NUDT3: variants seen among roughly 807,000 people sequenced by gnomAD.
NUDT3 encodes nudix hydrolase 3, also known as diphosphoinositol polyphosphate phosphohydrolase 1.
NUDT3 carries 9 observed loss-of-function variants against 23.6 expected under a neutral mutation model. That is an observed-to-expected ratio of 0.38 (90% confidence interval 0.23 to 0.66). The LOEUF is 0.66. Among genes scored for constraint, NUDT3 ranks in the 30% least tolerant of loss-of-function variants. The pLI is 0.52. For missense variants in NUDT3, 172 were observed against 218.5 expected (o/e 0.79, Z 1.34); for synonymous variants, 86 against 82.6 (o/e 1.04, Z -0.22).
In NUDT3 at chr6:34,358,528, A is replaced by T. The variant is rs186066251; in HGVS notation, c.100-16556T>A. 7.4e-4 allele frequency among the ~76,000 whole-genome samples: 112 copies of T among 152,194 alleles called. No homozygotes were observed. In the East Asian group the frequency reaches 0.011, roughly 14 times the overall value. On this transcript the variant is annotated intron_variant, in intron 1 of 4. Coordinates refer to ENST00000607016, the MANE Select transcript of NUDT3 (RefSeq NM_006703.4). ...TATTATTTCAAAGGAGTCACAGAAA[A>T]TTTTCACAGGTTAGTATTAAAATAC...
At chr6:34,348,209 C>T (rs1432130474) in intron 1 of NUDT3, among the ~76,000 whole-genome samples, 1 of 151,450 alleles carries the variant, frequency 6.6e-6, no homozygotes, top group Non-Finnish European at 1.5e-5. Context: ...TCGCTAAAGC[C>T]CAGGAGGAGG....
intron 2 of NUDT3, among the ~76,000 whole-genome samples, chr6:34,307,219 G>C (rs1053841628): frequency 6.6e-6 from 1 of 152,042 alleles, no homozygotes; most frequent in Non-Finnish European, 1.5e-5. Context: ...ACCAGCGTGG[G>C]CAACATATCA....
chr6:34,390,198 C>A (rs1765174736), intron 1 of NUDT3, among the ~76,000 whole-genome samples: 1 of 150,886 alleles, frequency 6.6e-6, no homozygotes, highest in South Asian at 2.1e-4. Flanking sequence ...AAAATGCAAG[C>A]TCCTAGAATC....
At chr6:34,308,460 CAA>C (rs1183799403) in intron 2 of NUDT3, among the ~76,000 whole-genome samples, 38 of 81,932 alleles carry the variant, frequency 4.6e-4, no homozygotes, top group Middle Eastern at 8.1e-3. Context: ...GATCGTCTCT[CAA>C]AAAAAAAAAA....
intron 1 of NUDT3, among the ~76,000 whole-genome samples, chr6:34,348,573 C>T (rs1406437343): frequency 6.6e-6 from 1 of 151,850 alleles, no homozygotes; most frequent in Non-Finnish European, 1.5e-5. Flanking sequence ...GTCAGGAGAT[C>T]GAGACCATCC....
At chr6:34,346,806 A>T (rs973049023) in intron 1 of NUDT3, among the ~76,000 whole-genome samples, 13 of 152,240 alleles carry the variant, frequency 8.5e-5, no homozygotes, top group Admixed American at 3.3e-4. Flanking sequence ...CCCAGGCTGA[A>T]GCGCCGTGGC....
chr6:34,321,125 C>T (rs183426937), intron 2 of NUDT3, among the ~76,000 whole-genome samples: 1 of 152,100 alleles, frequency 6.6e-6, no homozygotes, highest in Admixed American at 6.6e-5. Flanking sequence ...ATAGCACAGA[C>T]ATCCTTAAGG....
At chr6:34,367,179 T>C (rs569006232) in intron 1 of NUDT3, among the ~76,000 whole-genome samples, 34 of 152,112 alleles carry the variant, frequency 2.2e-4, no homozygotes, top group African/African-American at 7.7e-4. Flanking sequence ...CCACAATGCC[T>C]GACCTAAAAA....
intron 2 of NUDT3, among the ~76,000 whole-genome samples, chr6:34,302,339 G>A (rs1336001608): frequency 1.3e-5 from 2 of 152,076 alleles, no homozygotes; most frequent in Non-Finnish European, 2.9e-5. Context: ...TCTGGCACTT[G>A]TCTTTTACCC....
At chr6:34,382,065 T>G (rs374301636) in intron 1 of NUDT3, among the ~76,000 whole-genome samples, 4 of 93,302 alleles carry the variant, frequency 4.3e-5, no homozygotes, top group African/African-American at 1.8e-4. Flanking sequence ...AGAGCGAGAC[T>G]CTATCTCAAA....
At chr6:34,295,241 G>C (rs977287202) in intron 3 of NUDT3, among the ~76,000 whole-genome samples, 2 of 151,966 alleles carry the variant, frequency 1.3e-5, no homozygotes, top group Non-Finnish European at 2.9e-5. Flanking sequence ...AACTCACCGA[G>C]GTTGGGCATG....
chr6:34,384,632 G>GA (rs1765075336), intron 1 of NUDT3, among the ~76,000 whole-genome samples: 1 of 152,118 alleles, frequency 6.6e-6, no homozygotes, highest in East Asian at 1.9e-4. Context: ...TATGACAGAT[G>GA]AATATCATAT....
intron 1 of NUDT3, among the ~76,000 whole-genome samples, chr6:34,361,398 G>A (rs909103814): frequency 2.6e-5 from 4 of 152,214 alleles, no homozygotes; most frequent in Non-Finnish European, 5.9e-5. Flanking sequence ...GGGATGTGGA[G>A]CAACAGAAAC....
Position 34,352,952 on chromosome 6 carries a change from G to T in NUDT3, c.100-10980C>A, listed in dbSNP as rs1764499880. On this transcript the variant is annotated intron_variant, in intron 1 of 4. Coordinates refer to ENST00000607016, the MANE Select transcript of NUDT3 (RefSeq NM_006703.4). ...GTTCTAAACTGATAGAGGTATATGT[G>T]TCTAGAATTCGTCTTCCTAATTCTA... Among the ~76,000 whole-genome samples, 8 of 152,086 alleles carry T rather than the reference G, an allele frequency of 5.3e-5. No individual in the cohort carries two copies. The South Asian group carries it at 1.7e-3, about 32-fold the overall frequency.
At chr6:34,355,206 T>C (rs1318328645) in intron 1 of NUDT3, among the ~76,000 whole-genome samples, 1 of 152,208 alleles carries the variant, frequency 6.6e-6, no homozygotes, top group Non-Finnish European at 1.5e-5. Context: ...TTCCTAGTGC[T>C]GAGATTGTTT....
In NUDT3 at chr6:34,392,369, G is replaced by A. The variant is rs1180826079; in HGVS notation, c.-7C>T. The A allele has an allele frequency of 6.3e-7, 1 of 1,597,514 alleles. No homozygotes were observed. Among genetic ancestry groups the A allele is most frequent in the East Asian group, 2.3e-5 (1 of 43,092 alleles). Reference sequence around the variant, plus strand: ...TCGACTTGAGCTTCATCATCCTCCGGGCCCGGGTGGGGGTGCGGTGCGGGT... The same window carrying A: ...TCGACTTGAGCTTCATCATCCTCCGAGCCCGGGTGGGGGTGCGGTGCGGGT... On this transcript the variant is annotated 5_prime_UTR_variant, in exon 1 of 5. Transcript: ENST00000607016.
rs1433687597 is a variant in NUDT3 at position 34,286,434 on chromosome 6, T to A, written c.*2319A>T. On this transcript the variant is annotated 3_prime_UTR_variant, in exon 5 of 5. Transcript: ENST00000607016. The stretch of plus-strand genomic sequence containing the variant: ...TGTTTTCCTGCAAAGTACTTTCAAA[T>A]CCATACCATAAAGGTAGAATTTATC... The A allele has an allele frequency of 6.6e-6, 1 of 152,196 alleles. No homozygotes were observed. Among genetic ancestry groups the A allele is most frequent in the East Asian group, 1.9e-4 (1 of 5,196 alleles). 9.4% of individuals were successfully genotyped at this position (152,196 alleles called of 1,614,324 possible).
intron 1 of NUDT3, among the ~76,000 whole-genome samples, chr6:34,371,687 T>A (rs1176833718): frequency 6.6e-6 from 1 of 152,206 alleles, no homozygotes; most frequent in Non-Finnish European, 1.5e-5. Flanking sequence ...GGAAATAGAC[T>A]GGCAAGATGA....
At chr6:34,343,706 T>C (rs985359037) in intron 1 of NUDT3, among the ~76,000 whole-genome samples, 4 of 152,134 alleles carry the variant, frequency 2.6e-5, no homozygotes, top group African/African-American at 9.7e-5. Flanking sequence ...TTCTTAGATA[T>C]GAAGCATGAG....
Sources: allele counts gnomAD v4.1 joint callset (sites outside exome capture counted in the v4.1 genomes callset), GRCh38; gene constraint gnomAD v4.1.1; transcripts MANE v1.5; gene names NCBI Gene and HGNC (gene_info 2026-07-23, HGNC 2026-07-21).